SNX27: variants seen among roughly 807,000 people sequenced by gnomAD.
The protein encoded by SNX27 is sorting nexin 27, also known as sorting nexin-27.
In SNX27, 22 loss-of-function variants were observed where a neutral mutation model predicts 71.6. The observed-to-expected ratio is 0.31, with a 90% confidence interval of 0.22 to 0.44. The LOEUF (loss-of-function observed/expected upper bound fraction) is 0.44, where lower values mean the gene tolerates loss of function less well. SNX27 is among the 20% of genes least tolerant of loss of function. The pLI, the probability that SNX27 is intolerant of heterozygous loss-of-function variation, is 1.00. For synonymous variants in SNX27, 269 were observed against 277.2 expected (o/e 0.97, Z 0.29); for missense variants, 531 against 698.6 (o/e 0.76, Z 2.70).
chr1:151,693,426 C>T lies in SNX27; in HGVS notation c.1521C>T (p.Phe507=). ...AGTGTCACCACCTTTTTTTTCAGTT[C>T]AATTACATGCATGAGTGCTTCGAGA... is the stretch of plus-strand genomic sequence containing the variant. ...PRWVKIFTPY[F]NYMHECFERV... is the part of the protein sequence containing the mutation. The change falls in exon 11 of 12, where the codon TTC becomes TTT. Residue 507 remains phenylalanine (F), a splice_region_variant and synonymous_variant. Transcript: ENST00000458013. 6.2e-7 allele frequency: 1 copy of T among 1,613,532 alleles called. No individual in the cohort carries two copies. The highest frequency in any genetic ancestry group is 8.5e-7 in the Non-Finnish European group (1 of 1,179,856).
rs1667199604 is a variant in SNX27, at chr1:151,612,103, C to T, written c.-99C>T. The T allele has an allele frequency of 4.1e-6, 5 of 1,216,730 alleles. No homozygotes were observed. Among genetic ancestry groups the T allele is most frequent in the Non-Finnish European group, 5.2e-6 (5 of 957,798 alleles). The allele number at this position is 1,216,730 out of a possible 1,614,324, so 75.4% of individuals were successfully genotyped here. ...TCGGTCCCGCGGCCGGCGGATCGGG[C>T]GCGCGCGTCGGGGGTCGTCCGGCTG... On this transcript the variant is annotated 5_prime_UTR_variant, in exon 1 of 12. Transcript: ENST00000458013. The surrounding 1 kb of genome is among the most constrained non-coding windows in gnomAD (Gnocchi z 5.2).
At chr1:151,669,818 A>G (rs1243212743) in intron 7 of SNX27, among the ~76,000 whole-genome samples, 8 of 152,182 alleles carry the variant, frequency 5.3e-5, no homozygotes, top group African/African-American at 1.9e-4. Flanking sequence ...ATACAGGCAT[A>G]TGGTGTGTAA....
chr1:151,653,507 G>T (rs985394302), intron 2 of SNX27, among the ~76,000 whole-genome samples: 5 of 152,008 alleles, frequency 3.3e-5, no homozygotes, highest in Non-Finnish European at 5.9e-5. Flanking sequence ...GGTTCTGAAG[G>T]TTTTTAAATT....
chr1:151,653,293 A>G (rs1669503910), intron 2 of SNX27, among the ~76,000 whole-genome samples: 3 of 152,114 alleles, frequency 2.0e-5, no homozygotes, highest in Non-Finnish European at 4.4e-5. Flanking sequence ...AACAATGTCA[A>G]GCATCATGTG....
intron 1 of SNX27, among the ~76,000 whole-genome samples, chr1:151,628,941 C>G (rs1334327836): frequency 6.6e-6 from 1 of 152,056 alleles, no homozygotes; most frequent in East Asian, 1.9e-4. Flanking sequence ...TTTTTTCATT[C>G]TCTTAACAGT....
At chr1:151,691,988 C>T (rs1354457750) in intron 8 of SNX27, among the ~76,000 whole-genome samples, 1 of 152,042 alleles carries the variant, frequency 6.6e-6, no homozygotes, top group African/African-American at 2.4e-5. Flanking sequence ...TTAGTTGAGC[C>T]CAGGAGTTCA....
chr1:151,636,747 C>A (rs1668476106), intron 1 of SNX27, among the ~76,000 whole-genome samples: 1 of 143,986 alleles, frequency 6.9e-6, no homozygotes, highest in East Asian at 2.0e-4. Context: ...ATGGTGATTT[C>A]TAAACTTGCT....
At chr1:151,664,249 TATA>T (rs948458027) in intron 5 of SNX27, among the ~76,000 whole-genome samples, 30 of 146,754 alleles carry the variant, frequency 2.0e-4, no homozygotes, top group African/African-American at 7.2e-4. Flanking sequence ...ATATATTATA[TATA>T]ATAATTTAGT....
intron 2 of SNX27, among the ~76,000 whole-genome samples, chr1:151,652,954 AT>A (rs1669485843): frequency 8.1e-6 from 1 of 122,984 alleles, no homozygotes; most frequent in Admixed American, 9.2e-5. Flanking sequence ...TGAGATGGAG[AT>A]TTGCTCTTGT....
chr1:151,616,137 TG>T (rs1207772693), intron 1 of SNX27, among the ~76,000 whole-genome samples: 1 of 152,220 alleles, frequency 6.6e-6, no homozygotes, highest in Non-Finnish European at 1.5e-5. Context: ...CCCTTTGATG[TG>T]TATGTACCTG....
intron 1 of SNX27, among the ~76,000 whole-genome samples, chr1:151,618,086 G>C (rs1265473080): frequency 3.4e-5 from 5 of 145,506 alleles, no homozygotes; most frequent in African/African-American, 1.3e-4. Flanking sequence ...GTGTGGTCTT[G>C]AACCCCTGGC....
intron 11 of SNX27, chr1:151,694,072 G>T: frequency 8.1e-7 from 1 of 1,238,554 alleles, no homozygotes. Context: ...TGGGCTCTGG[G>T]AATTTTATCT....
At chr1:151,684,290 T>C (rs928261370) in intron 8 of SNX27, among the ~76,000 whole-genome samples, 2 of 152,218 alleles carry the variant, frequency 1.3e-5, no homozygotes, top group African/African-American at 4.8e-5. Context: ...TTAAATGCAA[T>C]TTAAAATTCA....
At chr1:151,617,303 C>T (rs570185905) in intron 1 of SNX27, among the ~76,000 whole-genome samples, 1 of 151,476 alleles carries the variant, frequency 6.6e-6, no homozygotes, top group African/African-American at 2.4e-5. Context: ...TTAGAGACAG[C>T]GTTTCACTCT....
rs1014702127 is a variant in SNX27, at chr1:151,667,534, A to G, written c.986-938A>G. Among the ~76,000 whole-genome samples the G allele has an allele frequency of 4.6e-5, 7 of 152,166 alleles. No homozygotes were observed. The East Asian group carries it at 1.4e-3, about 30-fold the overall frequency. On this transcript the variant is annotated intron_variant, in intron 6 of 11. Coordinates refer to ENST00000458013, the MANE Select transcript of SNX27 (RefSeq NM_001330723.2). The stretch of plus-strand genomic sequence containing the variant: ...GTAAGAGGAGAGGCTTGCTTTAAAG[A>G]TGTTTAGTGGGCCGGGCGCGGTGGC...
In SNX27 at chr1:151,695,874, A is replaced by G. The variant is rs1671678338; in HGVS notation, c.*1457A>G. On this transcript the variant is annotated 3_prime_UTR_variant, in exon 12 of 12. Transcript: ENST00000458013. ...CTCCATTCCTGACCAATAACCACCC[A>G]TAACTACGGCATTCTCTGTGACTTC... 6.6e-6 allele frequency: 1 copy of G among 152,206 alleles called. No individual in the cohort carries two copies. The highest frequency in any genetic ancestry group is 1.5e-5 in the Non-Finnish European group (1 of 68,048). The allele number at this position is 152,206 out of a possible 1,614,324, so 9.4% of individuals were successfully genotyped here.
At chr1:151,643,264 TTTTATTTATTTA>T (rs201505831) in intron 2 of SNX27, among the ~76,000 whole-genome samples, 26,034 of 139,004 alleles carry the variant, frequency 0.19, 2,463 homozygotes, top group East Asian at 0.24. Context: ...ACGCCTGGCC[TTTTATTTATTTA>T]TTTATTTATT....
chr1:151,624,495 G>A (rs1025184739), intron 1 of SNX27, among the ~76,000 whole-genome samples: 3 of 146,934 alleles, frequency 2.0e-5, no homozygotes, highest in Non-Finnish European at 4.5e-5. Context: ...GCAGTGGCGT[G>A]ATCTTGGCTC....
At chr1:151,670,978 G>A (rs891315167) in intron 7 of SNX27, among the ~76,000 whole-genome samples, 12 of 152,182 alleles carry the variant, frequency 7.9e-5, no homozygotes, top group African/African-American at 2.9e-4. Context: ...AAGAGTTAGG[G>A]GGCTAGTTTC....
Sources: gnomAD v4.1 joint callset for allele counts (sites outside exome capture counted in the v4.1 genomes callset) on GRCh38, gnomAD v4.1.1 for gene constraint, Gnocchi (gnomAD v3.1) non-coding constraint, MANE v1.5 for transcripts, NCBI Gene and HGNC (gene_info 2026-07-23, HGNC 2026-07-21) for gene names.